Variants in PTPRN2 observed in about 807,000 individuals in gnomAD.
PTPRN2 encodes the protein protein tyrosine phosphatase receptor type N2.
Under a neutral mutation model 118.8 loss-of-function variants are expected in PTPRN2, and 74 were observed. The ratio of observed to expected loss-of-function variants is 0.62; its 90% CI spans 0.52 to 0.76. PTPRN2 has a LOEUF of 0.76. PTPRN2 is among the 30% of genes least tolerant of loss of function. The pLI is 0.00. For synonymous variants in PTPRN2, 641 were observed against 608.0 expected (o/e 1.05, Z -0.80); for missense variants, 1,481 against 1,394.4 (o/e 1.06, Z -0.99).
intron 13 of PTPRN2, among the ~76,000 whole-genome samples, chr7:157,668,725 A>G (rs564408658): frequency 1.3e-5 from 2 of 152,304 alleles, no homozygotes; most frequent in South Asian, 2.1e-4. Context: ...ACGGTTAAGG[A>G]AAAAGCCTGC....
At chr7:157,970,749 A>C (rs1294198630) in intron 11 of PTPRN2, among the ~76,000 whole-genome samples, 1 of 149,506 alleles carries the variant, frequency 6.7e-6, no homozygotes, top group African/African-American at 2.4e-5. Context: ...GTAGCTGTGC[A>C]GCCAGTGGAG....
chr7:157,942,232 C>T (rs1285107999), intron 11 of PTPRN2, among the ~76,000 whole-genome samples: 1 of 151,638 alleles, frequency 6.6e-6, no homozygotes, highest in Admixed American at 6.6e-5. Context: ...CACGGGAGTC[C>T]TCGGCACGCC....
intron 11 of PTPRN2, among the ~76,000 whole-genome samples, chr7:158,032,581 G>A (rs1354028784): frequency 1.3e-5 from 2 of 151,768 alleles, no homozygotes; most frequent in East Asian, 1.9e-4. Context: ...CAATAGACTC[G>A]GGCTGGACAC....
At chr7:157,901,271 C>T (rs1797421147) in intron 11 of PTPRN2, among the ~76,000 whole-genome samples, 2 of 152,218 alleles carry the variant, frequency 1.3e-5, no homozygotes, top group South Asian at 4.1e-4. Context: ...AAAGCCCTCC[C>T]ACCAGGCTGC....
At chr7:158,162,259 A>G (rs1425665361) in intron 6 of PTPRN2, among the ~76,000 whole-genome samples, 1 of 152,230 alleles carries the variant, frequency 6.6e-6, no homozygotes, top group Admixed American at 6.5e-5. Flanking sequence ...GTAGAAGTTA[A>G]AGACTTATAT....
At chr7:158,393,737 T>A (rs940043492) in intron 2 of PTPRN2, among the ~76,000 whole-genome samples, 4 of 152,094 alleles carry the variant, frequency 2.6e-5, no homozygotes, top group Non-Finnish European at 4.4e-5. Context: ...CTAACACTGG[T>A]GAAGAAGGAA....
intron 2 of PTPRN2, among the ~76,000 whole-genome samples, chr7:158,460,203 G>A (rs112610306): frequency 6.4e-3 from 449 of 70,298 alleles, no homozygotes; most frequent in Middle Eastern, 0.049. Context: ...TCATCCAGCT[G>A]CAGGATGGGA....
intron 2 of PTPRN2, among the ~76,000 whole-genome samples, chr7:158,320,291 G>A (rs1273180367): frequency 1.3e-5 from 2 of 152,168 alleles, no homozygotes; most frequent in African/African-American, 2.4e-5. Context: ...ACGAGTGACT[G>A]CTGGCTCATA....
At chr7:158,153,836 G>T (rs951073283) in intron 6 of PTPRN2, among the ~76,000 whole-genome samples, 1 of 151,964 alleles carries the variant, frequency 6.6e-6, no homozygotes, top group Non-Finnish European at 1.5e-5. Flanking sequence ...CTGGTTAGGG[G>T]TGGTGGTCGG....
chr7:158,534,785 T>G (rs199954418), intron 1 of PTPRN2, among the ~76,000 whole-genome samples: 1 of 149,088 alleles, frequency 6.7e-6, no homozygotes. Flanking sequence ...ATATGTTTCT[T>G]GGCTCCAGGC....
At chr7:158,584,770 A>G (rs1364414437) in intron 1 of PTPRN2, among the ~76,000 whole-genome samples, 1 of 152,148 alleles carries the variant, frequency 6.6e-6, no homozygotes, top group Non-Finnish European at 1.5e-5. Flanking sequence ...ACGAGAATAA[A>G]CTCAGAGACA....
At chr7:158,135,176 A>T (rs967884296) in intron 8 of PTPRN2, among the ~76,000 whole-genome samples, 2 of 152,222 alleles carry the variant, frequency 1.3e-5, no homozygotes, top group Non-Finnish European at 2.9e-5. Flanking sequence ...TAAACAGGAA[A>T]ATCTGATTCA....
intron 1 of PTPRN2, among the ~76,000 whole-genome samples, chr7:158,547,900 T>C (rs73510563): frequency 0.013 from 1,962 of 152,288 alleles, 49 homozygotes; most frequent in African/African-American, 0.044. Context: ...ACTGTGAAGA[T>C]TAATCAAAAG....
At chr7:158,321,473 C>T (rs1184223913) in intron 2 of PTPRN2, among the ~76,000 whole-genome samples, 6 of 152,192 alleles carry the variant, frequency 3.9e-5, no homozygotes, top group African/African-American at 1.4e-4. Context: ...GAAGCCCGGA[C>T]TGACCCGTCC....
chr7:157,676,877 A>G lies in PTPRN2; in HGVS notation c.2001+5848T>C, dbSNP rs903040419. On this transcript the variant is annotated intron_variant, in intron 13 of 22. Transcript: ENST00000389418. The surrounding 1 kb of genome is among the most constrained non-coding windows in gnomAD (Gnocchi z 5.6). Reference sequence around the variant, plus strand: ...CACCCCAGGAGCGACCCTGGCTTTGACGAGAAGGAAGTGTTCTCTGGTTCT... The same window carrying G: ...CACCCCAGGAGCGACCCTGGCTTTGGCGAGAAGGAAGTGTTCTCTGGTTCT... 9.9e-5 allele frequency among the ~76,000 whole-genome samples: 15 copies of G among 152,056 alleles called. No individual in the cohort carries two copies. The highest frequency in any genetic ancestry group is 2.1e-4 in the Non-Finnish European group (14 of 68,008).
rs564964107 is a variant in PTPRN2 at position 158,154,488 on chromosome 7, C to T, written c.910+12443G>A. Among the ~76,000 whole-genome samples the T allele has an allele frequency of 5.3e-5, 8 of 152,326 alleles. No homozygotes were observed. In the South Asian group the frequency reaches 8.3e-4, roughly 16 times the overall value. ...GAAAAACTCTCTCTTATGGCTGCTA[C>T]GCATCCCTTTTCCTTTGACTCCCTT... On this transcript the variant is annotated intron_variant, in intron 6 of 22. Coordinates refer to ENST00000389418, the MANE Select transcript of PTPRN2 (RefSeq NM_002847.5).
chr7:157,923,825 G>A (rs1263355792), intron 11 of PTPRN2, among the ~76,000 whole-genome samples: 1 of 152,166 alleles, frequency 6.6e-6, no homozygotes, highest in Admixed American at 6.5e-5. Flanking sequence ...TCACACCCGA[G>A]ATGGTTCTTT....
chr7:157,694,100 A>G (rs1181282034), intron 12 of PTPRN2, among the ~76,000 whole-genome samples: 2 of 152,272 alleles, frequency 1.3e-5, no homozygotes, highest in African/African-American at 4.8e-5. Flanking sequence ...ACACAAATAA[A>G]TACAATTCTT....
At chr7:158,356,454 T>C (rs1808390526) in intron 2 of PTPRN2, among the ~76,000 whole-genome samples, 1 of 152,188 alleles carries the variant, frequency 6.6e-6, no homozygotes, top group South Asian at 2.1e-4. Flanking sequence ...CATCAACTCA[T>C]AGAGTATCTT....
Sources: gnomAD v4.1 joint callset for allele counts (sites outside exome capture counted in the v4.1 genomes callset) on GRCh38, gnomAD v4.1.1 for gene constraint, Gnocchi (gnomAD v3.1) non-coding constraint, MANE v1.5 for transcripts, NCBI Gene and HGNC (gene_info 2026-07-23, HGNC 2026-07-21) for gene names.